Variants in ZMYND12 observed in about 807,000 individuals in gnomAD.
The protein encoded by ZMYND12 is zinc finger MYND domain-containing protein 12.
In ZMYND12, 32 loss-of-function variants were observed where a neutral mutation model predicts 41.7. The observed-to-expected ratio is 0.77, with a 90% CI of 0.58 to 1.03. The LOEUF (loss-of-function observed/expected upper bound fraction) is 1.03, where lower values mean the gene tolerates loss of function less well. Among genes scored for constraint, ZMYND12 ranks in the 50% least tolerant of loss-of-function variants. ZMYND12 has a pLI of 0.00. For missense variants in ZMYND12, 424 were observed against 438.5 expected (o/e 0.97, Z 0.30); for synonymous variants, 148 against 164.8 (o/e 0.90, Z 0.78).
intron 1 of ZMYND12, 25 bp from the exon 2 acceptor site, chr1:42,450,084 T>C: frequency 6.2e-7 from 1 of 1,610,894 alleles, no homozygotes; most frequent in Non-Finnish European, 8.5e-7. Flanking sequence ...ATAGACTTTA[T>C]GATCTTTATA....
intron 1 of ZMYND12, among the ~76,000 whole-genome samples, chr1:42,455,516 C>G (rs1643153236): frequency 6.6e-6 from 1 of 152,214 alleles, no homozygotes; most frequent in Non-Finnish European, 1.5e-5. Context: ...TCAGGCGATC[C>G]GCCCGCCTCG....
intron 7 of ZMYND12, among the ~76,000 whole-genome samples, chr1:42,431,933 A>T (rs192298901): frequency 6.6e-6 from 1 of 152,224 alleles, no homozygotes; most frequent in African/African-American, 2.4e-5. Flanking sequence ...AAGAGGGAGG[A>T]GGGAGGAAAG....
chr1:42,434,643 G>T (rs1352640242), intron 6 of ZMYND12, among the ~76,000 whole-genome samples: 2 of 151,808 alleles, frequency 1.3e-5, no homozygotes, highest in East Asian at 1.9e-4. Flanking sequence ...TGTGAACTGT[G>T]CATGCAAAGG....
At chr1:42,434,824 A>C (rs1642889176) in intron 6 of ZMYND12, among the ~76,000 whole-genome samples, 1 of 151,982 alleles carries the variant, frequency 6.6e-6, no homozygotes, top group Admixed American at 6.6e-5. Flanking sequence ...ATATATTAAT[A>C]ATAATAAAAA....
rs72950532 is a variant in ZMYND12 at position 42,439,584 on chromosome 1, G to A, written c.594+272C>T. Among the ~76,000 whole-genome samples, 905 of 152,228 alleles carry A rather than the reference G, an allele frequency of 5.9e-3. 13 individuals are homozygous for A. The highest frequency in any genetic ancestry group is 0.021 in the African/African-American group (869 of 41,554). On this transcript the variant is annotated intron_variant, in intron 4 of 7. Coordinates refer to ENST00000372565, the MANE Select transcript of ZMYND12 (RefSeq NM_032257.5). The stretch of plus-strand genomic sequence containing the variant: ...CGGCCAGCAAAGCCCTTCTCTTAAC[G>A]AGTATGCTGTTTTGCCTCCCTTTAC...
intron 4 of ZMYND12, among the ~76,000 whole-genome samples, chr1:42,438,766 G>A (rs1642933187): frequency 6.6e-6 from 1 of 152,168 alleles, no homozygotes; most frequent in Admixed American, 6.5e-5. Flanking sequence ...GCATTGTACA[G>A]GCGGGCAACC....
chr1:42,434,410 C>T (rs776601653), intron 6 of ZMYND12, among the ~76,000 whole-genome samples: 17 of 152,280 alleles, frequency 1.1e-4, no homozygotes, highest in African/African-American at 2.6e-4. Flanking sequence ...CCTTGGCTTA[C>T]GTGTCCTGGA....
Position 42,433,265 on chromosome 1 carries a change from T to C in ZMYND12, c.853A>G (p.Ile285Val). 6.2e-7 allele frequency: 1 copy of C among 1,607,552 alleles called. No homozygotes were observed. Among genetic ancestry groups the C allele is most frequent in the Non-Finnish European group, 8.5e-7 (1 of 1,178,412 alleles). The change falls in exon 7 of 8, where the codon ATT (isoleucine) becomes GTT (valine). Residue 285 changes from isoleucine (I) to valine (V), a missense_variant. Coordinates refer to ENST00000372565, the MANE Select transcript of ZMYND12 (RefSeq NM_032257.5). ...GLDEAQEAEAIRILTSILNIR... is the reference protein window; with the variant it reads ...GLDEAQEAEAVRILTSILNIR... ...TTCAAGATTGAAGTCAGGATGCGAA[T>C]GGCTTCTGCTTCTTGGGCTTCATCT... is the stretch of plus-strand genomic sequence containing the variant.
chr1:42,439,459 T>C (rs1642943400), intron 4 of ZMYND12, among the ~76,000 whole-genome samples: 1 of 152,062 alleles, frequency 6.6e-6, no homozygotes, highest in Admixed American at 6.6e-5. Context: ...AGGGACGGGG[T>C]TTCACCATGT....
intron 1 of ZMYND12, among the ~76,000 whole-genome samples, chr1:42,453,535 C>A (rs1275902790): frequency 6.6e-6 from 1 of 152,000 alleles, no homozygotes; most frequent in Non-Finnish European, 1.5e-5. Flanking sequence ...AACACACTCA[C>A]CAACAATTAA....
At chr1:42,453,028 C>T (rs1248499833) in intron 1 of ZMYND12, among the ~76,000 whole-genome samples, 2 of 151,306 alleles carry the variant, frequency 1.3e-5, no homozygotes, top group Non-Finnish European at 2.9e-5. Flanking sequence ...TTTCTTGTTC[C>T]TTAAACTTGG....
intron 3 of ZMYND12, among the ~76,000 whole-genome samples, chr1:42,442,089 T>A (rs1557768638): frequency 6.6e-6 from 1 of 151,790 alleles, no homozygotes. Context: ...TGGCAGAAAA[T>A]GAGGCTATGG....
At chr1:42,440,731 G>A (rs1042733126) in intron 3 of ZMYND12, among the ~76,000 whole-genome samples, 2 of 151,908 alleles carry the variant, frequency 1.3e-5, no homozygotes, top group East Asian at 1.9e-4. Context: ...GTGTAGTGGC[G>A]CGATCTCGGC....
intron 7 of ZMYND12, among the ~76,000 whole-genome samples, chr1:42,432,306 C>T (rs1642862188): frequency 1.3e-5 from 2 of 152,070 alleles, no homozygotes; most frequent in African/African-American, 2.4e-5. Flanking sequence ...AAGCAATCAT[C>T]CCTCCTCAGC....
chr1:42,448,698 T>C, intron 2 of ZMYND12, 60 bp from the exon 3 acceptor site: 1 of 1,515,158 alleles, frequency 6.6e-7, no homozygotes, highest in Non-Finnish European at 8.9e-7. Flanking sequence ...AAGGTGGATG[T>C]AGATGGCCCT....
rs1340496246 is a variant in ZMYND12, at chr1:42,449,824, G to A, written c.252+94C>T. 1.1e-5 allele frequency: 17 copies of A among 1,488,336 alleles called. No homozygotes were observed. The East Asian group carries it at 2.0e-4, about 18-fold the overall frequency. The allele number at this position is 1,488,336 out of a possible 1,614,324, so 92.2% of individuals were successfully genotyped here. ...AAACAAAGTCTCTGCCCTCCGTGAG[G>A]TTACAATTTAGTGATCCCAACACAG... On this transcript the variant is annotated intron_variant, in intron 2 of 7. Transcript: ENST00000372565.
chr1:42,437,309 A>T (rs929265073), intron 4 of ZMYND12, among the ~76,000 whole-genome samples: 3 of 152,094 alleles, frequency 2.0e-5, no homozygotes, highest in African/African-American at 7.2e-5. Context: ...GATACAAGGG[A>T]TCTCTTTGGG....
At chr1:42,446,445 G>A (rs1205665529) in intron 3 of ZMYND12, among the ~76,000 whole-genome samples, 2 of 151,972 alleles carry the variant, frequency 1.3e-5, no homozygotes, top group Non-Finnish European at 2.9e-5. Context: ...ATCACTTGAG[G>A]ACAGGAGTTC....
intron 1 of ZMYND12, among the ~76,000 whole-genome samples, chr1:42,455,334 G>A (rs1643147993): frequency 1.3e-5 from 2 of 152,162 alleles, no homozygotes; most frequent in South Asian, 2.1e-4. Context: ...GTGCAGTGGC[G>A]CGATCTCCGC....
Sources: gnomAD v4.1 joint callset for allele counts (sites outside exome capture counted in the v4.1 genomes callset) on GRCh38, gnomAD v4.1.1 for gene constraint, MANE v1.5 for transcripts, NCBI Gene and HGNC (gene_info 2026-07-23, HGNC 2026-07-21) for gene names.